The following EYS variants were observed in gnomAD, a reference collection of about 807,000 sequenced individuals.
EYS encodes EGF-like photoreceptor maintenance factor, also known as protein eyes shut homolog.
In EYS, 250 loss-of-function variants were observed where a neutral mutation model predicts 282.1. The ratio of observed to expected loss-of-function variants is 0.89; its 90% confidence interval spans 0.80 to 0.98. The LOEUF is 0.98. Among genes scored for constraint, EYS ranks in the 50% least tolerant of loss-of-function variants. The pLI is 0.00. For missense variants in EYS, 4,016 were observed against 3,709.0 expected (o/e 1.08, Z -2.15); for synonymous variants, 1,355 against 1,282.9 (o/e 1.06, Z -1.20).
intron 5 of EYS, among the ~76,000 whole-genome samples, chr6:65,421,426 A>C (rs2150377226): frequency 6.6e-6 from 1 of 151,992 alleles, no homozygotes; most frequent in South Asian, 2.1e-4. Context: ...TTTTGGCTTG[A>C]GGAAATGTTG....
At chr6:65,287,403 A>C (rs1159430795) in intron 12 of EYS, among the ~76,000 whole-genome samples, 2 of 151,500 alleles carry the variant, frequency 1.3e-5, no homozygotes, top group African/African-American at 4.8e-5. Context: ...ATAAATGCTT[A>C]ACCTTTAAAA....
chr6:65,675,143 A>G (rs1170760916), intron 1 of EYS, among the ~76,000 whole-genome samples: 1 of 151,920 alleles, frequency 6.6e-6, no homozygotes, highest in East Asian at 1.9e-4. Context: ...GCAATTAAAC[A>G]CTGACAGTAT....
intron 30 of EYS, among the ~76,000 whole-genome samples, chr6:64,237,915 ATGTT>A (rs1031868380): frequency 6.6e-6 from 1 of 152,200 alleles, no homozygotes; most frequent in Non-Finnish European, 1.5e-5. Context: ...TTCAAAATAA[ATGTT>A]AGATAGTAAA....
intron 33 of EYS, among the ~76,000 whole-genome samples, chr6:64,053,770 C>G (rs1770892053): frequency 6.6e-6 from 1 of 152,216 alleles, no homozygotes; most frequent in Non-Finnish European, 1.5e-5. Context: ...TGAACAGCCT[C>G]TCCATTTAAC....
intron 2 of EYS, among the ~76,000 whole-genome samples, chr6:65,526,125 C>G (rs1424172020): frequency 6.6e-6 from 1 of 152,176 alleles, no homozygotes; most frequent in African/African-American, 2.4e-5. Flanking sequence ...AATAGCATGT[C>G]AGTTAGGGCT....
intron 12 of EYS, among the ~76,000 whole-genome samples, chr6:65,273,943 A>G (rs1487566144): frequency 6.6e-6 from 1 of 152,184 alleles, no homozygotes; most frequent in Non-Finnish European, 1.5e-5. Flanking sequence ...ACTACTGGAC[A>G]CTGTCCCTGA....
At chr6:64,097,092 T>C (rs1240673615) in intron 31 of EYS, among the ~76,000 whole-genome samples, 2 of 152,190 alleles carry the variant, frequency 1.3e-5, no homozygotes, top group Non-Finnish European at 2.9e-5. Flanking sequence ...GAAATGTTGC[T>C]GCCTGATGGT....
intron 30 of EYS, among the ~76,000 whole-genome samples, chr6:64,237,091 A>AG (rs1766633783): frequency 6.6e-6 from 1 of 152,190 alleles, no homozygotes; most frequent in Non-Finnish European, 1.5e-5. Flanking sequence ...CTTTTACTCT[A>AG]CTTATACCAA....
At chr6:63,849,974 G>T (rs957595143) in intron 36 of EYS, among the ~76,000 whole-genome samples, 4 of 152,128 alleles carry the variant, frequency 2.6e-5, no homozygotes, top group Admixed American at 2.6e-4. Flanking sequence ...GTTTAGAGAA[G>T]AACATAAATG....
chr6:64,168,365 A>G (rs1764364336), intron 31 of EYS, among the ~76,000 whole-genome samples: 2 of 152,268 alleles, frequency 1.3e-5, no homozygotes. Flanking sequence ...ACAATGGTGC[A>G]GTCGTTTTGG....
intron 22 of EYS, among the ~76,000 whole-genome samples, chr6:64,729,946 A>G (rs758699093): frequency 1.3e-5 from 2 of 152,220 alleles, no homozygotes; most frequent in Non-Finnish European, 2.9e-5. Context: ...ATAACAGAAG[A>G]TTTTGAAAAG....
intron 28 of EYS, among the ~76,000 whole-genome samples, chr6:64,393,788 T>C (rs376581581): frequency 7.9e-5 from 12 of 151,732 alleles, no homozygotes; most frequent in East Asian, 1.9e-4. Context: ...CCAGGGCAAT[T>C]AGGCAGGAGA....
At chr6:65,296,565 G>A (rs191795052) in intron 11 of EYS, among the ~76,000 whole-genome samples, 12 of 151,572 alleles carry the variant, frequency 7.9e-5, no homozygotes, top group African/African-American at 2.7e-4. Context: ...TTCAAACTCA[G>A]TTTGTCACTC....
chr6:65,235,013 A>C (rs886750847), intron 12 of EYS, among the ~76,000 whole-genome samples: 1 of 152,208 alleles, frequency 6.6e-6, no homozygotes, highest in Non-Finnish European at 1.5e-5. Context: ...GGCTAAAGCC[A>C]TATTAGGGGT....
intron 31 of EYS, among the ~76,000 whole-genome samples, chr6:64,104,353 A>C (rs1224819740): frequency 6.6e-6 from 1 of 151,996 alleles, no homozygotes; most frequent in African/African-American, 2.4e-5. Flanking sequence ...AGTAGGAAGG[A>C]GAGAGAGAGT....
chr6:63,747,392 C>T (rs928578538), intron 41 of EYS, among the ~76,000 whole-genome samples: 17 of 152,134 alleles, frequency 1.1e-4, no homozygotes, highest in Middle Eastern at 3.4e-3. Flanking sequence ...AGAATAAATG[C>T]GATGTGGTGC....
At chr6:65,354,592 G>C (rs969752174) in intron 8 of EYS, among the ~76,000 whole-genome samples, 1 of 152,104 alleles carries the variant, frequency 6.6e-6, no homozygotes, top group Admixed American at 6.6e-5. Flanking sequence ...AAGGCGGGCG[G>C]ATTACCTGAG....
rs1766377408 is a variant in EYS at position 64,590,684 on chromosome 6, C to G, written c.5183G>C (p.Ser1728Thr). The change falls in exon 26 of 43, where the codon AGT becomes ACT. Residue 1728 changes from serine to threonine, a missense_variant. By Grantham distance (58) the Ser-to-Thr change is moderately conservative. Transcript: ENST00000503581. ...NQESLLDMEK[S>T]KGSHTLFKLH... is the part of the protein sequence containing the mutation. ...TTTGAACAGTGTATGAGATCCTTTA[C>G]TTTTTTCCATGTCCAATAAGCTCTC... 1.3e-6 allele frequency: 2 copies of G among 1,551,090 alleles called. No individual in the cohort carries two copies. The highest frequency in any genetic ancestry group is 2.4e-5 in the South Asian group (2 of 84,052).
At chr6:64,669,101 T>C (rs1195868919) in intron 22 of EYS, among the ~76,000 whole-genome samples, 1 of 152,162 alleles carries the variant, frequency 6.6e-6, no homozygotes, top group Admixed American at 6.5e-5. Flanking sequence ...ACGTGGCCTT[T>C]ATATACTCAC....
Sources: allele counts gnomAD v4.1 joint callset (sites outside exome capture counted in the v4.1 genomes callset), GRCh38; gene constraint gnomAD v4.1.1; transcripts MANE v1.5; gene names NCBI Gene and HGNC (gene_info 2026-07-23, HGNC 2026-07-21).